PIP4P1: variants seen among roughly 807,000 people sequenced by gnomAD.
The protein encoded by PIP4P1 is type 1 phosphatidylinositol 4,5-bisphosphate 4-phosphatase.
PIP4P1 carries 14 observed loss-of-function variants against 32.3 expected under a neutral mutation model. The observed-to-expected ratio is 0.43, with a 90% CI of 0.29 to 0.68. PIP4P1 has a LOEUF of 0.68. PIP4P1 is among the 30% of genes least tolerant of loss of function. The probability of loss-of-function intolerance (pLI) is 0.15; values close to 1 mark genes in which losing one functional copy is unlikely to be tolerated. For missense variants in PIP4P1, 289 were observed against 364.5 expected (o/e 0.79, Z 1.69); for synonymous variants, 132 against 137.9 (o/e 0.96, Z 0.30).
rs1881716245 is a variant in PIP4P1, at chr14:20,461,433, C to T, written c.-108G>A. On this transcript the variant is annotated 5_prime_UTR_variant, in exon 1 of 7. Transcript: ENST00000250489. The stretch of plus-strand genomic sequence containing the variant: ...CACCGCCACCGCCGCTACCGGGTCC[C>T]CAGGGCGCCTGCGCGCCGCGCGCCC... 6.1e-6 allele frequency: 7 copies of T among 1,146,760 alleles called. No individual in the cohort carries two copies. Among genetic ancestry groups the T allele is most frequent in the East Asian group, 3.2e-5 (1 of 30,910 alleles). 71.0% of individuals were successfully genotyped at this position (1,146,760 alleles called of 1,614,324 possible).
Position 20,461,431 on chromosome 14 carries a change from C to T in PIP4P1, c.-106G>A. The T allele has an allele frequency of 1.8e-6, 2 of 1,142,474 alleles. No individual in the cohort carries two copies. The highest frequency in any genetic ancestry group is 4.3e-5 in the Admixed American group (1 of 23,354). 70.8% of individuals were successfully genotyped at this position (1,142,474 alleles called of 1,614,324 possible). On this transcript the variant is annotated 5_prime_UTR_variant, in exon 1 of 7. Transcript: ENST00000250489. ...GCCACCGCCACCGCCGCTACCGGGT[C>T]CCCAGGGCGCCTGCGCGCCGCGCGC...
Position 20,459,458 on chromosome 14 carries a change from A to C in PIP4P1, c.547-18T>G. ...TCTGTCCACTATGGAGAAAGAAAACAAAAATAATAGCACAAGCAGGGTCTC... is the reference window on the plus strand; with the variant it reads ...TCTGTCCACTATGGAGAAAGAAAACCAAAATAATAGCACAAGCAGGGTCTC... On this transcript the variant is annotated intron_variant, in intron 4 of 6. Transcript: ENST00000250489. The C allele has an allele frequency of 6.2e-7, 1 of 1,614,134 alleles. No homozygotes were observed. The highest frequency in any genetic ancestry group is 8.5e-7 in the Non-Finnish European group (1 of 1,180,018).
Position 20,458,224 on chromosome 14 carries a change from C to G in PIP4P1, c.*335G>C, listed in dbSNP as rs541478774. On this transcript the variant is annotated 3_prime_UTR_variant, in exon 7 of 7. Transcript: ENST00000250489. ...CAGGGCTACCCACCCCCACCCTGCC[C>G]TGGAATGTGTAAGGGACAGGAATGG... is the stretch of plus-strand genomic sequence containing the variant. 4.1e-6 allele frequency: 2 copies of G among 485,554 alleles called. No individual in the cohort carries two copies. Among genetic ancestry groups the G allele is most frequent in the African/African-American group, 3.9e-5 (2 of 51,320 alleles). The allele number at this position is 485,554 out of a possible 1,614,324, so 30.1% of individuals were successfully genotyped here.
In PIP4P1 at chr14:20,461,403, GCCGCCA is replaced by G. The variant is rs1303074594; in HGVS notation, c.-84_-79del. ...TGCCGTCGCCGCAGCCACCGCCACC[GCCGCCA>G]CCGCCACCGCCGCTACCGGGTCCCC... is the stretch of plus-strand genomic sequence containing the variant. On this transcript the variant is annotated 5_prime_UTR_variant, in exon 1 of 7. Transcript: ENST00000250489. 4.1e-6 allele frequency: 5 copies of G among 1,217,860 alleles called. No homozygotes were observed. Among genetic ancestry groups the G allele is most frequent in the South Asian group, 4.0e-5 (1 of 24,860 alleles). 75.4% of individuals were successfully genotyped at this position (1,217,860 alleles called of 1,614,324 possible).
chr14:20,460,000 G>T, intron 3 of PIP4P1, 192 bp downstream of exon 3: 1 of 631,702 alleles, frequency 1.6e-6, no homozygotes. Flanking sequence ...TCTCCGAAAC[G>T]ACATCATTTC....
chr14:20,457,863 T>G lies in PIP4P1; in HGVS notation c.*696A>C, dbSNP rs1881486574. On this transcript the variant is annotated 3_prime_UTR_variant, in exon 7 of 7. Coordinates refer to ENST00000250489, the MANE Select transcript of PIP4P1 (RefSeq NM_144568.4). ...AGTTAACAACTGAAAAAGCGTAGAG[T>G]CATGACCTTATTTATTTACAAGCAC... 1 of 368,822 alleles carries G rather than the reference T, an allele frequency of 2.7e-6. No homozygotes were observed. Among genetic ancestry groups the G allele is most frequent in the Admixed American group, 3.9e-5 (1 of 25,558 alleles). 22.8% of individuals were successfully genotyped at this position (368,822 alleles called of 1,614,324 possible).
chr14:20,461,076 G>T lies in PIP4P1; in HGVS notation c.142+108C>A, dbSNP rs532808880. ...CAGGTGCAGCAGTCCCGCACCTGGC[G>T]ACTGGGACCCGCCTCCGCCCTCGGT... On this transcript the variant is annotated intron_variant, in intron 1 of 6. Transcript: ENST00000250489. The T allele has an allele frequency of 2.4e-5, 31 of 1,269,088 alleles. 1 individual carries two copies. In the South Asian group the frequency reaches 4.7e-4, roughly 19 times the overall value. 78.6% of individuals were successfully genotyped at this position (1,269,088 alleles called of 1,614,324 possible).
In PIP4P1 at chr14:20,457,930, C is replaced by T; in HGVS notation, c.*629G>A. The T allele has an allele frequency of 3.1e-6, 1 of 321,070 alleles. No individual in the cohort carries two copies. The allele number at this position is 321,070 out of a possible 1,614,324, so 19.9% of individuals were successfully genotyped here. On this transcript the variant is annotated 3_prime_UTR_variant, in exon 7 of 7. Transcript: ENST00000250489. ...CTCCCCCAAAGACTGAGCAACCCTACCCAGCCCAGTTAAATACTGCAACTG... is the reference window on the plus strand; with the variant it reads ...CTCCCCCAAAGACTGAGCAACCCTATCCAGCCCAGTTAAATACTGCAACTG...
intron 2 of PIP4P1, 77 bp from the exon 3 acceptor site, chr14:20,460,375 AG>A (rs1287536042): frequency 1.8e-6 from 2 of 1,088,218 alleles, no homozygotes; most frequent in African/African-American, 3.2e-5. Flanking sequence ...ACACTTTATG[AG>A]ATCAGAAAAA....
intron 1 of PIP4P1, 92 bp from the exon 2 acceptor site, chr14:20,460,937 T>C: frequency 7.1e-7 from 1 of 1,399,472 alleles, no homozygotes; most frequent in Non-Finnish European, 9.5e-7. Context: ...TTCAACCCTC[T>C]GACCAAGCTC....
Position 20,458,109 on chromosome 14 carries a change from G to A in PIP4P1, c.*450C>T. 1 of 363,600 alleles carries A rather than the reference G, an allele frequency of 2.8e-6. No homozygotes were observed. 22.5% of individuals were successfully genotyped at this position (363,600 alleles called of 1,614,324 possible). Reference sequence around the variant, plus strand: ...CACAGGACACAATGTGGGGAGAGGAGACTGAGGGTACTGAGGCCAGAGCCA... The same window carrying A: ...CACAGGACACAATGTGGGGAGAGGAAACTGAGGGTACTGAGGCCAGAGCCA... On this transcript the variant is annotated 3_prime_UTR_variant, in exon 7 of 7. Coordinates refer to ENST00000250489, the MANE Select transcript of PIP4P1 (RefSeq NM_144568.4).
rs149592973 is a variant in PIP4P1 at position 20,458,189 on chromosome 14, G to A, written c.*370C>T. The A allele has an allele frequency of 2.1e-3, 897 of 435,142 alleles. 9 individuals carry two copies. Among genetic ancestry groups the A allele is most frequent in the African/African-American group, 0.016 (810 of 49,788 alleles). The allele number at this position is 435,142 out of a possible 1,614,324, so 27.0% of individuals were successfully genotyped here. A position where few individuals can be genotyped will look rare whatever the true frequency, so the allele number is the denominator to read the frequency against. On this transcript the variant is annotated 3_prime_UTR_variant, in exon 7 of 7. Transcript: ENST00000250489. ...AAGTCCTAATGGTGCACAAGAGGGA[G>A]GGGAACCCCCAGGGCTACCCACCCC...
chr14:20,461,134 G>T, intron 1 of PIP4P1, 50 bp downstream of exon 1: 1 of 1,268,012 alleles, frequency 7.9e-7, no homozygotes, highest in South Asian at 3.2e-5. Flanking sequence ...GAGTACCCCG[G>T]GGAGCACCTC....
chr14:20,459,561 C>CT (rs1881620839), intron 4 of PIP4P1, 67 bp downstream of exon 4: 2 of 1,575,382 alleles, frequency 1.3e-6, no homozygotes, highest in Non-Finnish European at 1.7e-6. Flanking sequence ...TACCATTACT[C>CT]TAAGAAATAT....
rs143980244 is a variant in PIP4P1, at chr14:20,458,637, C to G, written c.756G>C (p.Leu252=). ...CCCGGCCCAAACACAGCACAGCCAACAGGATGACAAATGCCCAGGCTGCAT... is the reference window on the plus strand; with the variant it reads ...CCCGGCCCAAACACAGCACAGCCAAGAGGATGACAAATGCCCAGGCTGCAT... ...GIYAAWAFVI[L]LAVLCLGRAL... The change falls in exon 7 of 7, where the codon CTG becomes CTC. Residue 252 remains leucine, a synonymous_variant. Coordinates refer to ENST00000250489, the MANE Select transcript of PIP4P1 (RefSeq NM_144568.4). 483 of 1,614,232 alleles carry G rather than the reference C, an allele frequency of 3.0e-4. 2 individuals carry two copies. In the African/African-American group the frequency reaches 5.7e-3, roughly 19 times the overall value.
Position 20,458,372 on chromosome 14 carries a change from GTGC to G in PIP4P1, c.*184_*186del, listed in dbSNP as rs763139872. 5.7e-4 allele frequency: 460 copies of G among 812,976 alleles called. 7 individuals carry two copies. The highest frequency in any genetic ancestry group is 1.3e-4 in the Non-Finnish European group (61 of 486,548). 50.4% of individuals were successfully genotyped at this position (812,976 alleles called of 1,614,324 possible). A position where few individuals can be genotyped will look rare whatever the true frequency, so the allele number is the denominator to read the frequency against. On this transcript the variant is annotated 3_prime_UTR_variant, in exon 7 of 7. Coordinates refer to ENST00000250489, the MANE Select transcript of PIP4P1 (RefSeq NM_144568.4). ...CTTGGAGGAAAGCAGATGGTCAGCA[GTGC>G]TCTTATCTGCCCCTCCAAACCTAAG...
At chr14:20,459,883 T>A (rs936198772) in intron 3 of PIP4P1, 150 bp from the exon 4 acceptor site, 20 of 648,814 alleles carry the variant, frequency 3.1e-5, no homozygotes, top group Non-Finnish European at 4.5e-5. Flanking sequence ...GTCCCCCAAC[T>A]GTATACCCTC....
chr14:20,461,107 C>A, intron 1 of PIP4P1, 77 bp downstream of exon 1: 2 of 1,272,266 alleles, frequency 1.6e-6, no homozygotes, highest in Non-Finnish European at 2.0e-6. Flanking sequence ...TCGGTCCCGC[C>A]CCCTCCCCGG....
At position 20,458,590 on chromosome 14, in the gene PIP4P1, T is replaced by C; in HGVS notation, c.803A>G (p.Lys268Arg). The C allele has an allele frequency of 6.2e-7, 1 of 1,614,116 alleles. No individual in the cohort carries two copies. Among genetic ancestry groups the C allele is most frequent in the South Asian group, 1.1e-5 (1 of 91,082 alleles). Residue 268 changes from lysine to arginine, a missense_variant, in exon 7 of 7, where the codon AAG becomes AGG. Transcript: ENST00000250489. The stretch of plus-strand genomic sequence containing the variant: ...GAAGTTCTGGACAGGGTGGCTGACC[T>C]TCATACAGGCCCAATAAAGAGCCCG... ...LGRALYWACM[K>R]VSHPVQNFS is the part of the protein sequence containing the mutation.
Sources: allele counts gnomAD v4.1 joint callset, GRCh38; gene constraint gnomAD v4.1.1; transcripts MANE v1.5; gene names NCBI Gene and HGNC (gene_info 2026-07-23, HGNC 2026-07-21).